Variants in PAPLN observed in about 807,000 individuals in gnomAD.
The protein encoded by PAPLN is papilin, proteoglycan like sulfated glycoprotein.
PAPLN carries 146 observed loss-of-function variants against 159.0 expected under a neutral mutation model. The ratio of observed to expected loss-of-function variants is 0.92; its 90% CI spans 0.80 to 1.05. PAPLN has a LOEUF of 1.05. PAPLN is among the 50% of genes least tolerant of loss of function. The pLI is 0.00. For missense variants in PAPLN, 1,720 were observed against 1,743.9 expected, an observed-to-expected ratio of 0.99 and a Z score of 0.24; for synonymous variants, 734 against 702.9, an observed-to-expected ratio of 1.04 and a Z score of -0.70.
chr14:73,253,227 G>A, intron 11 of PAPLN: 6 of 1,358,852 alleles, frequency 4.4e-6, no homozygotes, highest in Non-Finnish European at 5.8e-6. Context: ...GTGGGAACAG[G>A]TAACCTGCAG....
At chr14:73,263,924 C>T (rs1566703738) in intron 20 of PAPLN, 142 bp downstream of exon 20, 6 of 1,185,328 alleles carry the variant, frequency 5.1e-6, no homozygotes, top group Non-Finnish European at 7.1e-6. Flanking sequence ...GTGACAGCCC[C>T]CCTACCCCCT....
intron 14 of PAPLN, among the ~76,000 whole-genome samples, chr14:73,258,757 C>CA (rs1240670241): frequency 6.6e-6 from 1 of 152,046 alleles, no homozygotes; most frequent in Non-Finnish European, 1.5e-5. Flanking sequence ...GACCCTGTCT[C>CA]AAAAAAGATG....
chr14:73,262,081 G>A, intron 18 of PAPLN: 1 of 421,176 alleles, frequency 2.4e-6, no homozygotes, highest in Non-Finnish European at 4.2e-6. Flanking sequence ...AAGGGAGCCG[G>A]CCCAGGGAGC....
chr14:73,245,736 C>T lies in PAPLN; in HGVS notation c.231+40C>T, dbSNP rs1884172683. 11 of 1,534,920 alleles carry T rather than the reference C, an allele frequency of 7.2e-6. No individual in the cohort carries two copies. Among genetic ancestry groups the T allele is most frequent in the Non-Finnish European group, 9.6e-6 (11 of 1,145,164 alleles). On this transcript the variant is annotated intron_variant, in intron 4 of 26. Transcript: ENST00000644200. This position sits in a 1 kb window ranked among gnomAD's most constrained non-coding sequence, Gnocchi z 4.2. ...GCGCGGGCGAAGGCACCAGCTTCCC[C>T]AGCCCCTCCTGGCCGATTTCCCCAT... is the stretch of plus-strand genomic sequence containing the variant.
intron 10 of PAPLN, among the ~76,000 whole-genome samples, chr14:73,252,360 G>A (rs928138244): frequency 1.3e-5 from 2 of 152,190 alleles, no homozygotes; most frequent in African/African-American, 4.8e-5. Flanking sequence ...AACCAGAGGG[G>A]GCTTCCCAGA....
chr14:73,270,894 T>A (rs2140316983), intron 26 of PAPLN, among the ~76,000 whole-genome samples: 1 of 152,228 alleles, frequency 6.6e-6, no homozygotes, highest in South Asian at 2.1e-4. Flanking sequence ...CCTGCCCTAC[T>A]CATGGTTGGG....
chr14:73,259,284 G>A lies in PAPLN; in HGVS notation c.1724G>A (p.Trp575Ter), dbSNP rs779842389. The A allele has an allele frequency of 2.6e-6, 4 of 1,566,464 alleles. No homozygotes were observed. Among genetic ancestry groups the A allele is most frequent in the Admixed American group, 3.7e-5 (2 of 53,736 alleles). Residue 575 changes from tryptophan to a stop codon, truncating the protein, a stop_gained, in exon 16 of 27, where the codon TGG becomes TAG. Coordinates refer to ENST00000644200, the MANE Select transcript of PAPLN (RefSeq NM_001365906.3). LOFTEE classifies it high-confidence loss of function. The part of the protein sequence containing the change: ...ESPASDSRGQ[W>*]WAAQEHPSAR... ...TTCTTTCTAGACTCCAGAGGCCAGTGGTGGGCAGCCCAGGAACACCCCTCA... is the reference window on the plus strand; with the variant it reads ...TTCTTTCTAGACTCCAGAGGCCAGTAGTGGGCAGCCCAGGAACACCCCTCA...
Position 73,250,103 on chromosome 14 carries a change from G to A in PAPLN, c.454G>A (p.Gly152Ser). ...EPGKRDVCVD[G>S]SCRVVGCDHE... ...TGGCAAGAGGGATGTCTGTGTGGAT[G>A]GCAGCTGCCGGGTGAGTGGTGCCCC... The change falls in exon 6 of 27, where the codon GGC becomes AGC. Residue 152 changes from glycine (G) to serine (S), a missense_variant. Coordinates refer to ENST00000644200, the MANE Select transcript of PAPLN (RefSeq NM_001365906.3). The A allele has an allele frequency of 6.2e-7, 1 of 1,608,838 alleles. No homozygotes were observed. The highest frequency in any genetic ancestry group is 8.5e-7 in the Non-Finnish European group (1 of 1,177,750).
chr14:73,256,638 A>G (rs1256884110), intron 14 of PAPLN, among the ~76,000 whole-genome samples: 5 of 151,074 alleles, frequency 3.3e-5, no homozygotes, highest in Admixed American at 6.6e-5. Flanking sequence ...GCAACTGCTC[A>G]TGCCTGTAAT....
intron 2 of PAPLN, chr14:73,244,319 C>T (rs1037431564): frequency 4.1e-5 from 10 of 244,124 alleles, no homozygotes; most frequent in Admixed American, 4.0e-4. Flanking sequence ...GGTTAACCTA[C>T]AAATGCCTGG....
intron 5 of PAPLN, among the ~76,000 whole-genome samples, chr14:73,249,147 G>GA (rs900845408): frequency 2.6e-5 from 4 of 151,990 alleles, no homozygotes; most frequent in African/African-American, 9.7e-5. Flanking sequence ...ATTAAAACCA[G>GA]AAAAAAGTTA....
intron 5 of PAPLN, among the ~76,000 whole-genome samples, chr14:73,247,251 A>G (rs527517420): frequency 2.1e-4 from 32 of 152,292 alleles, no homozygotes; most frequent in African/African-American, 7.5e-4. Context: ...TGAGGAGGGT[A>G]TAAGTCATTA....
intron 10 of PAPLN, 120 bp from the exon 11 acceptor site, chr14:73,252,529 G>A: frequency 7.5e-7 from 1 of 1,325,134 alleles, no homozygotes; most frequent in Non-Finnish European, 1.0e-6. Flanking sequence ...GCCTCGGGGG[G>A]GTCATCTAAG....
chr14:73,271,454 C>A (rs1887711301), intron 26 of PAPLN, among the ~76,000 whole-genome samples: 1 of 151,794 alleles, frequency 6.6e-6, no homozygotes, highest in Non-Finnish European at 1.5e-5. Context: ...TCTAAGTCAG[C>A]TGAGTTTTAA....
Position 73,245,907 on chromosome 14 carries a change from G to A in PAPLN, c.232-166G>A. 2 of 881,658 alleles carry A rather than the reference G, an allele frequency of 2.3e-6. No individual in the cohort carries two copies. The highest frequency in any genetic ancestry group is 2.7e-5 in the East Asian group (1 of 36,668). 54.6% of individuals were successfully genotyped at this position (881,658 alleles called of 1,614,324 possible). Reference sequence around the variant, plus strand: ...CCTCCACAGCCTAGAGCACCATGGAGGGGCACGCACAGGAGTTCGGGGGTC... The same window carrying A: ...CCTCCACAGCCTAGAGCACCATGGAAGGGCACGCACAGGAGTTCGGGGGTC... On this transcript the variant is annotated intron_variant, in intron 4 of 26. Transcript: ENST00000644200. The surrounding 1 kb of genome is among the most constrained non-coding windows in gnomAD (Gnocchi z 4.2).
Position 73,245,906 on chromosome 14 carries a change from AGGGGCACGCACAGGAGTTCGGGGGTCCGG to A in PAPLN, c.232-161_232-133del, listed in dbSNP as rs1884206310. Reference sequence around the variant, plus strand: ...CCCTCCACAGCCTAGAGCACCATGGAGGGGCACGCACAGGAGTTCGGGGGTCCGGGGGGCGGACTCCACCTCCGGCGGCT... The same window carrying A: ...CCCTCCACAGCCTAGAGCACCATGGAGGGGCGGACTCCACCTCCGGCGGCT... On this transcript the variant is annotated intron_variant, in intron 4 of 26. Transcript: ENST00000644200. The surrounding 1 kb of genome is among the most constrained non-coding windows in gnomAD (Gnocchi z 4.2). 1.1e-6 allele frequency: 1 copy of A among 875,398 alleles called. No homozygotes were observed. The highest frequency in any genetic ancestry group is 2.9e-5 in the Admixed American group (1 of 34,460). 54.2% of individuals were successfully genotyped at this position (875,398 alleles called of 1,614,324 possible).
At chr14:73,247,664 G>A (rs945988906) in intron 5 of PAPLN, among the ~76,000 whole-genome samples, 2 of 120,454 alleles carry the variant, frequency 1.7e-5, no homozygotes, top group African/African-American at 5.5e-5. Flanking sequence ...GTGTGTGTGC[G>A]TGTGTGTGTG....
chr14:73,245,980 A>G lies in PAPLN; in HGVS notation c.232-93A>G. On this transcript the variant is annotated intron_variant, in intron 4 of 26. Coordinates refer to ENST00000644200, the MANE Select transcript of PAPLN (RefSeq NM_001365906.3). This position sits in a 1 kb window ranked among gnomAD's most constrained non-coding sequence, Gnocchi z 4.2. ...GCGGCTCCGATGGGGCAGGCAAGGG[A>G]GACTCCTGGGCTCCCTGGGCTCGGG... The G allele has an allele frequency of 7.8e-7, 1 of 1,281,668 alleles. No homozygotes were observed. Among genetic ancestry groups the G allele is most frequent in the Non-Finnish European group, 1.0e-6 (1 of 959,336 alleles). The allele number at this position is 1,281,668 out of a possible 1,614,324, so 79.4% of individuals were successfully genotyped here.
At position 73,264,706 on chromosome 14, in the gene PAPLN, ACACC is replaced by A; in HGVS notation, c.3109_3112del (p.Pro1037SerfsTer26). 6.2e-7 allele frequency: 1 copy of A among 1,612,604 alleles called. No individual in the cohort carries two copies. Among genetic ancestry groups the A allele is most frequent in the Non-Finnish European group, 8.5e-7 (1 of 1,179,720 alleles). On this transcript the variant is annotated frameshift_variant, in exon 22 of 27. Transcript: ENST00000644200. LOFTEE classifies it high-confidence loss of function. ...GGCCCCTGGGGGCCATCCCCTCTTC[ACACC>A]CACAGCCTGCAAACAGGTAAGAACT...
Sources: gnomAD v4.1 joint callset for allele counts (sites outside exome capture counted in the v4.1 genomes callset) on GRCh38, gnomAD v4.1.1 for gene constraint, Gnocchi (gnomAD v3.1) non-coding constraint, MANE v1.5 for transcripts, NCBI Gene and HGNC (gene_info 2026-07-23, HGNC 2026-07-21) for gene names.